Variants in PARD3B observed in about 807,000 individuals in gnomAD.
PARD3B encodes the protein par-3 family cell polarity regulator beta.
Under a neutral mutation model 130.2 loss-of-function variants are expected in PARD3B, and 103 were observed. The observed-to-expected ratio is 0.79, with a 90% CI of 0.67 to 0.93. The LOEUF (loss-of-function observed/expected upper bound fraction) is 0.93, where lower values mean the gene tolerates loss of function less well. Ranked by LOEUF, PARD3B falls within the 40% of genes least tolerant of loss-of-function variation. The pLI is 0.00. For synonymous variants in PARD3B, 583 were observed against 553.2 expected (o/e 1.05, Z -0.76); for missense variants, 1,609 against 1,499.2 (o/e 1.07, Z -1.21).
At chr2:205,275,588 C>T (rs553798294) in intron 16 of PARD3B, among the ~76,000 whole-genome samples, 67 of 151,754 alleles carry the variant, frequency 4.4e-4, no homozygotes, top group African/African-American at 1.5e-3. Flanking sequence ...ACCTGTAATC[C>T]CATTTGAGAG....
At chr2:204,731,941 G>A (rs962310430) in intron 2 of PARD3B, among the ~76,000 whole-genome samples, 3 of 151,992 alleles carry the variant, frequency 2.0e-5, no homozygotes, top group Non-Finnish European at 2.9e-5. Context: ...CATCAAAATT[G>A]TTCATATTTC....
intron 20 of PARD3B, among the ~76,000 whole-genome samples, chr2:205,484,773 A>G (rs146194885): frequency 6.4e-4 from 98 of 152,298 alleles, no homozygotes; most frequent in African/African-American, 2.2e-3. Flanking sequence ...AGAAAAAAAG[A>G]TACTCAATTA....
rs1246706854 is a variant in PARD3B, at chr2:205,054,428, ATATATATATTTTTTTT to A, written c.504+6740_504+6755del. Among the ~76,000 whole-genome samples, 173 of 31,826 alleles carry A rather than the reference ATATATATATTTTTTTT, an allele frequency of 5.4e-3. 2 individuals are homozygous for A. Among genetic ancestry groups the A allele is most frequent in the Middle Eastern group, 0.017 (1 of 60 alleles). 20.9% of individuals were successfully genotyped at this position (31,826 alleles called of 152,430 possible). On this transcript the variant is annotated intron_variant, in intron 4 of 22. Coordinates refer to ENST00000406610, the MANE Select transcript of PARD3B (RefSeq NM_001302769.2). ...TTTATATATATATATATATATATAT[ATATATATATTTTTTTT>A]TTTTTTTTTTTTTAATTATACTCTA...
At chr2:205,180,739 A>G (rs992831948) in intron 13 of PARD3B, among the ~76,000 whole-genome samples, 6 of 152,114 alleles carry the variant, frequency 3.9e-5, no homozygotes, top group Non-Finnish European at 1.5e-5. Context: ...TACACAGAAA[A>G]AAGGCATTTT....
intron 19 of PARD3B, among the ~76,000 whole-genome samples, chr2:205,426,225 T>C (rs2047141230): frequency 6.6e-6 from 1 of 152,118 alleles, no homozygotes; most frequent in East Asian, 1.9e-4. Context: ...GCATGTAACA[T>C]TGTATTGGCT....
chr2:204,846,859 C>G, intron 2 of PARD3B, among the ~76,000 whole-genome samples: 1 of 151,964 alleles, frequency 6.6e-6, no homozygotes, highest in East Asian at 1.9e-4. Context: ...CCCTGAATCA[C>G]AGGGAATATG....
chr2:204,919,105 A>C (rs7572649), intron 2 of PARD3B, among the ~76,000 whole-genome samples: 66,272 of 151,984 alleles, frequency 0.44, 16,106 homozygotes, highest in African/African-American at 0.64. Context: ...TGCTTTATTA[A>C]GTATCTATTT....
At chr2:204,867,339 T>C (rs1004129710) in intron 2 of PARD3B, among the ~76,000 whole-genome samples, 3 of 152,182 alleles carry the variant, frequency 2.0e-5, no homozygotes, top group African/African-American at 7.2e-5. Flanking sequence ...CACCTTCAAT[T>C]CTCAAATTAG....
intron 19 of PARD3B, among the ~76,000 whole-genome samples, chr2:205,439,958 G>A (rs945666284): frequency 9.2e-5 from 14 of 152,246 alleles, no homozygotes; most frequent in East Asian, 7.8e-4. Flanking sequence ...TACTGAAGTC[G>A]TAGAAAAACT....
Position 205,187,648 on chromosome 2 carries a change from C to A in PARD3B, c.2024+1785C>A, listed in dbSNP as rs1485262802. ...ACTGTCTTTTTGGCTTCAAAGTCTC[C>A]ACGGATTTCTTTCCTTCCCTTTTCT... On this transcript the variant is annotated intron_variant, in intron 14 of 22. Transcript: ENST00000406610. This position sits in a 1 kb window ranked among gnomAD's most constrained non-coding sequence, Gnocchi z 4.9. Among the ~76,000 whole-genome samples, 3 of 152,146 alleles carry A rather than the reference C, an allele frequency of 2.0e-5. No homozygotes were observed. The highest frequency in any genetic ancestry group is 6.5e-5 in the Admixed American group (1 of 15,280).
At chr2:205,047,064 A>G (rs1698836601) in intron 3 of PARD3B, among the ~76,000 whole-genome samples, 1 of 152,210 alleles carries the variant, frequency 6.6e-6, no homozygotes, top group South Asian at 2.1e-4. Flanking sequence ...AGAGAATGGA[A>G]GCAATCTCTT....
Position 204,677,716 on chromosome 2 carries a change from A to G in PARD3B, c.121-8465A>G, listed in dbSNP as rs1420538849. Among the ~76,000 whole-genome samples the G allele has an allele frequency of 6.6e-6, 1 of 152,204 alleles. No homozygotes were observed. The highest frequency in any genetic ancestry group is 2.4e-5 in the African/African-American group (1 of 41,454). ...TAATAATATTTTTAGCAGACTCATC[A>G]CTGTTGACTTGTTAAAGCCTGTGGT... is the stretch of plus-strand genomic sequence containing the variant. On this transcript the variant is annotated intron_variant, in intron 1 of 22. Coordinates refer to ENST00000406610, the MANE Select transcript of PARD3B (RefSeq NM_001302769.2). The surrounding 1 kb of genome is among the most constrained non-coding windows in gnomAD (Gnocchi z 4.1).
rs1409779771 is a variant in PARD3B, at chr2:204,675,407, C to T, written c.121-10774C>T. Among the ~76,000 whole-genome samples the T allele has an allele frequency of 6.6e-6, 1 of 151,596 alleles. No homozygotes were observed. Among genetic ancestry groups the T allele is most frequent in the Admixed American group, 6.6e-5 (1 of 15,246 alleles). Reference sequence around the variant, plus strand: ...GTTTTGTGATTATACTGTATATAAACCTGAAGAGTTACATAAGGCCTATAC... The same window carrying T: ...GTTTTGTGATTATACTGTATATAAATCTGAAGAGTTACATAAGGCCTATAC... On this transcript the variant is annotated intron_variant, in intron 1 of 22. Transcript: ENST00000406610. The surrounding 1 kb of genome is among the most constrained non-coding windows in gnomAD (Gnocchi z 4.4).
chr2:204,910,046 A>G (rs887240037), intron 2 of PARD3B, among the ~76,000 whole-genome samples: 2 of 152,260 alleles, frequency 1.3e-5, no homozygotes, highest in Middle Eastern at 3.4e-3. Flanking sequence ...AAAGAAGAGT[A>G]TTGGTGGACC....
intron 2 of PARD3B, among the ~76,000 whole-genome samples, chr2:204,827,874 A>G (rs2043648001): frequency 6.6e-6 from 1 of 152,244 alleles, no homozygotes; most frequent in Non-Finnish European, 1.5e-5. Flanking sequence ...TGACTGGATG[A>G]CTGGCTGAAT....
At chr2:204,976,781 A>AT (rs962026471) in intron 3 of PARD3B, among the ~76,000 whole-genome samples, 33 of 150,680 alleles carry the variant, frequency 2.2e-4, no homozygotes, top group African/African-American at 4.6e-4. Context: ...TAATTTTCGT[A>AT]TTTTTTTTAG....
intron 2 of PARD3B, among the ~76,000 whole-genome samples, chr2:204,850,721 A>C (rs1264760281): frequency 6.6e-6 from 1 of 152,180 alleles, no homozygotes. Context: ...CTGAGCAGGC[A>C]CTGACCAAAT....
chr2:204,711,596 AGCACAGTG>A (rs1371392915), intron 2 of PARD3B, among the ~76,000 whole-genome samples: 1 of 151,430 alleles, frequency 6.6e-6, no homozygotes, highest in Non-Finnish European at 1.5e-5. Flanking sequence ...CCCAGACTGG[AGCACAGTG>A]GCACGATCTT....
At chr2:204,563,091 T>A (rs1205691054) in intron 1 of PARD3B, among the ~76,000 whole-genome samples, 1 of 152,204 alleles carries the variant, frequency 6.6e-6, no homozygotes, top group Admixed American at 6.5e-5. Flanking sequence ...GGGCCACGCT[T>A]CCTTCAAAAC....
Sources: gnomAD v4.1 joint callset for allele counts (sites outside exome capture counted in the v4.1 genomes callset) on GRCh38, gnomAD v4.1.1 for gene constraint, Gnocchi (gnomAD v3.1) non-coding constraint, MANE v1.5 for transcripts, NCBI Gene and HGNC (gene_info 2026-07-23, HGNC 2026-07-21) for gene names.